Variants in CGNL1 observed in about 807,000 individuals in gnomAD.
CGNL1 encodes the protein cingulin like 1.
A neutral mutation model predicts 141.2 loss-of-function variants in CGNL1; 132 were observed. That is an observed-to-expected ratio of 0.93 (90% CI 0.81 to 1.08). The LOEUF is 1.08. CGNL1 is among the 50% of genes least tolerant of loss of function. The probability of loss-of-function intolerance (pLI) is 0.00; values close to 1 mark genes in which losing one functional copy is unlikely to be tolerated. For missense variants in CGNL1, 1,870 were observed against 1,588.6 expected (o/e 1.18, Z -3.01); for synonymous variants, 690 against 622.1 (o/e 1.11, Z -1.63).
At position 57,412,162 on chromosome 15, in the gene CGNL1, C is replaced by T. The variant is rs187249379; in HGVS notation, c.-15-25823C>T. ...GTGCTGGTGATGTGCCTGAAAGTCA[C>T]TCCTGAGATTCTCGTTTATTTCTGT... is the stretch of plus-strand genomic sequence containing the variant. On this transcript the variant is annotated intron_variant, in intron 1 of 18. Coordinates refer to ENST00000281282, the MANE Select transcript of CGNL1 (RefSeq NM_032866.5). Among the ~76,000 whole-genome samples the T allele has an allele frequency of 6.6e-5, 10 of 152,312 alleles. No homozygotes were observed. In the East Asian group the frequency reaches 1.9e-3, roughly 29 times the overall value.
intron 8 of CGNL1, among the ~76,000 whole-genome samples, chr15:57,504,038 G>T (rs1274864348): frequency 1.3e-5 from 2 of 152,102 alleles, no homozygotes; most frequent in African/African-American, 2.4e-5. Context: ...CGCTGGGAGT[G>T]GCATGGCATT....
At chr15:57,408,385 T>G (rs1238901427) in intron 1 of CGNL1, among the ~76,000 whole-genome samples, 1 of 152,064 alleles carries the variant, frequency 6.6e-6, no homozygotes, top group Non-Finnish European at 1.5e-5. Context: ...GACAAATCTT[T>G]CCACAAATGT....
chr15:57,502,386 C>G (rs939061881), intron 8 of CGNL1, among the ~76,000 whole-genome samples: 1 of 152,098 alleles, frequency 6.6e-6, no homozygotes, highest in East Asian at 1.9e-4. Flanking sequence ...GGGGCAGAGG[C>G]TGAATGGCTG....
At chr15:57,510,106 CA>C (rs66746800) in intron 8 of CGNL1, among the ~76,000 whole-genome samples, 2,608 of 152,198 alleles carry the variant, frequency 0.017, 77 homozygotes, top group African/African-American at 0.059. Context: ...AAAAAATGTG[CA>C]GGTAGTGGCC....
chr15:57,420,606 C>G (rs1329576820), intron 1 of CGNL1, among the ~76,000 whole-genome samples: 5 of 152,198 alleles, frequency 3.3e-5, no homozygotes, highest in African/African-American at 1.2e-4. Flanking sequence ...ACTTTATCAA[C>G]TATAGTAAAA....
intron 8 of CGNL1, among the ~76,000 whole-genome samples, chr15:57,462,154 A>G (rs1033795939): frequency 6.6e-6 from 1 of 152,170 alleles, no homozygotes; most frequent in Non-Finnish European, 1.5e-5. Context: ...GCATATGAAC[A>G]CTTGAGGTTC....
At chr15:57,464,974 A>G (rs1761928384) in intron 8 of CGNL1, among the ~76,000 whole-genome samples, 1 of 151,944 alleles carries the variant, frequency 6.6e-6, no homozygotes, top group Non-Finnish European at 1.5e-5. Context: ...CTGGTCTCGA[A>G]CACCTGGCCT....
At chr15:57,382,819 C>A (rs1465550922) in intron 1 of CGNL1, among the ~76,000 whole-genome samples, 1 of 152,172 alleles carries the variant, frequency 6.6e-6, no homozygotes, top group Non-Finnish European at 1.5e-5. Context: ...AGGACCCCTT[C>A]CTCTCTAAGG....
rs758942593 is a variant in CGNL1 at position 57,531,717 on chromosome 15, C to G, written c.3229C>G (p.Leu1077Val). The G allele has an allele frequency of 6.2e-7, 1 of 1,612,922 alleles. No individual in the cohort carries two copies. Among genetic ancestry groups the G allele is most frequent in the East Asian group, 2.2e-5 (1 of 44,858 alleles). ...EDKVSQLEMELEEERNNSDLL... is the reference protein window; with the variant it reads ...EDKVSQLEMEVEEERNNSDLL... Reference sequence around the variant, plus strand: ...CAAGGTGTCTCAACTGGAGATGGAACTGGAAGAAGAGAGAAACAACTCAGA... The same window carrying G: ...CAAGGTGTCTCAACTGGAGATGGAAGTGGAAGAAGAGAGAAACAACTCAGA... Residue 1077 changes from leucine to valine, a missense_variant, in exon 14 of 19, where the codon CTG becomes GTG. Coordinates refer to ENST00000281282, the MANE Select transcript of CGNL1 (RefSeq NM_032866.5).
Position 57,524,671 on chromosome 15 carries a change from G to T in CGNL1, c.2959G>T (p.Ala987Ser), listed in dbSNP as rs542266588. Residue 987 changes from alanine to serine, a missense_variant, in exon 12 of 19, where the codon GCA (alanine) becomes TCA (serine). Coordinates refer to ENST00000281282, the MANE Select transcript of CGNL1 (RefSeq NM_032866.5). ...EYKEKNRREL[A>S]EMQRQLKEKT... ...TAAGGAGAAAAACCGCAGGGAGCTC[G>T]CAGAAATGCAAAGACAGTTGAAGGA... The T allele has an allele frequency of 3.1e-6, 5 of 1,614,182 alleles. No individual in the cohort carries two copies. Among genetic ancestry groups the T allele is most frequent in the Non-Finnish European group, 2.5e-6 (3 of 1,180,024 alleles).
At chr15:57,380,285 C>T (rs981948704) in intron 1 of CGNL1, among the ~76,000 whole-genome samples, 4 of 152,262 alleles carry the variant, frequency 2.6e-5, no homozygotes, top group East Asian at 3.9e-4. Flanking sequence ...CCACCTGCCT[C>T]GGCCTCCCAA....
chr15:57,536,493 GT>G (rs142262453), intron 14 of CGNL1, among the ~76,000 whole-genome samples: 4,367 of 152,298 alleles, frequency 0.029, 223 homozygotes, highest in African/African-American at 0.1. Context: ...TGGATTTGGA[GT>G]TGATAAAATG....
chr15:57,456,418 T>C (rs1260808243), intron 7 of CGNL1, among the ~76,000 whole-genome samples: 1 of 152,064 alleles, frequency 6.6e-6, no homozygotes, highest in Non-Finnish European at 1.5e-5. Context: ...AAAGTAACAT[T>C]AAGAAGGAAT....
intron 8 of CGNL1, among the ~76,000 whole-genome samples, chr15:57,516,145 C>A (rs1429500157): frequency 8.7e-6 from 1 of 115,244 alleles, no homozygotes; most frequent in Non-Finnish European, 1.6e-5. Flanking sequence ...GGGGACAGAG[C>A]GAGACTCTGT....
chr15:57,500,369 C>T (rs1359885861), intron 8 of CGNL1, among the ~76,000 whole-genome samples: 3 of 152,168 alleles, frequency 2.0e-5, no homozygotes, highest in African/African-American at 4.8e-5. Context: ...TAGATGAAGC[C>T]CGAGGAGGAG....
At chr15:57,396,356 C>T (rs1162245560) in intron 1 of CGNL1, among the ~76,000 whole-genome samples, 1 of 151,020 alleles carries the variant, frequency 6.6e-6, no homozygotes. Flanking sequence ...CTCACTGCAA[C>T]CTCCACCTCT....
intron 1 of CGNL1, among the ~76,000 whole-genome samples, chr15:57,407,447 AG>A (rs1358051797): frequency 6.6e-6 from 1 of 152,142 alleles, no homozygotes; most frequent in Non-Finnish European, 1.5e-5. Context: ...TTTAGAGGGA[AG>A]GACTGCTTGA....
At chr15:57,449,677 T>C (rs1282992559) in intron 4 of CGNL1, among the ~76,000 whole-genome samples, 3 of 152,224 alleles carry the variant, frequency 2.0e-5, no homozygotes, top group African/African-American at 7.2e-5. Flanking sequence ...TCATAAAGAA[T>C]AGTTTCACTG....
intron 1 of CGNL1, among the ~76,000 whole-genome samples, chr15:57,430,040 G>A (rs1205347033): frequency 6.6e-6 from 1 of 152,156 alleles, no homozygotes; most frequent in Non-Finnish European, 1.5e-5. Context: ...GAGACTCTTG[G>A]GCTCAAGTGA....
Sources: allele counts gnomAD v4.1 joint callset (sites outside exome capture counted in the v4.1 genomes callset), GRCh38; gene constraint gnomAD v4.1.1; transcripts MANE v1.5; gene names NCBI Gene and HGNC (gene_info 2026-07-23, HGNC 2026-07-21).